Variants in DGKB observed in about 807,000 individuals in gnomAD.
The protein encoded by DGKB is 90 kDa diacylglycerol kinase.
A neutral mutation model predicts 114.3 loss-of-function variants in DGKB; 67 were observed. The ratio of observed to expected loss-of-function variants is 0.59; its 90% CI spans 0.48 to 0.72. The LOEUF is 0.72. Among genes scored for constraint, DGKB ranks in the 30% least tolerant of loss-of-function variants. The pLI is 0.00. For missense variants in DGKB, 907 were observed against 975.2 expected (o/e 0.93, Z 0.93); for synonymous variants, 398 against 323.1 (o/e 1.23, Z -2.49).
intron 2 of DGKB, among the ~76,000 whole-genome samples, chr7:14,802,785 C>T (rs1044937773): frequency 1.3e-5 from 2 of 152,132 alleles, no homozygotes; most frequent in African/African-American, 4.8e-5. Flanking sequence ...CTCTTACCTT[C>T]CCTGAAAATA....
At chr7:14,814,309 G>A (rs908374639) in intron 2 of DGKB, among the ~76,000 whole-genome samples, 2 of 152,130 alleles carry the variant, frequency 1.3e-5, no homozygotes, top group African/African-American at 4.8e-5. Context: ...ACCAGAGTGA[G>A]GTCAAACCAG....
At chr7:14,890,082 A>C (rs1219089140) in intron 1 of DGKB, among the ~76,000 whole-genome samples, 3 of 151,594 alleles carry the variant, frequency 2.0e-5, no homozygotes, top group African/African-American at 7.3e-5. Flanking sequence ...GAGTCTTTTC[A>C]TTCCATACAG....
rs966340615 is a variant in DGKB at position 14,652,652 on chromosome 7, G to T, written c.1134+20277C>A. On this transcript the variant is annotated intron_variant, in intron 13 of 25. Coordinates refer to ENST00000402815, the MANE Select transcript of DGKB (RefSeq NM_001350709.2). Reference sequence around the variant, plus strand: ...AACAAAAGCCAAAATTGACAAATGGGATCTAATTAAAGTAAAGAGCTTCTG... The same window carrying T: ...AACAAAAGCCAAAATTGACAAATGGTATCTAATTAAAGTAAAGAGCTTCTG... 3.8e-4 allele frequency among the ~76,000 whole-genome samples: 57 copies of T among 148,620 alleles called. 1 individual carries two copies. The highest frequency in any genetic ancestry group is 7.2e-4 in the Non-Finnish European group (48 of 66,766).
At position 14,734,148 on chromosome 7, in the gene DGKB, T is replaced by C. The variant is rs532276511; in HGVS notation, c.322+1893A>G. Among the ~76,000 whole-genome samples, 8 of 151,994 alleles carry C rather than the reference T, an allele frequency of 5.3e-5. No individual in the cohort carries two copies. In the South Asian group the frequency reaches 1.7e-3, roughly 32 times the overall value. ...TTCCTGGGTTCAAGTGATTCTCCTG[T>C]TTCAGCCTCCCAAGTAGCTGGGATT... is the stretch of plus-strand genomic sequence containing the variant. On this transcript the variant is annotated intron_variant, in intron 5 of 25. Coordinates refer to ENST00000402815, the MANE Select transcript of DGKB (RefSeq NM_001350709.2).
chr7:14,580,794 T>C, intron 19 of DGKB, 68 bp downstream of exon 19: 1 of 1,111,710 alleles, frequency 9.0e-7, no homozygotes. Flanking sequence ...TCTTTTCTTT[T>C]CTTTTTGTTT....
chr7:14,912,309 G>A (rs572895187), intron 1 of DGKB, among the ~76,000 whole-genome samples: 1 of 152,188 alleles, frequency 6.6e-6, no homozygotes, highest in South Asian at 2.1e-4. Flanking sequence ...CTTTTAGTTA[G>A]TCAACTACTT....
intron 5 of DGKB, among the ~76,000 whole-genome samples, chr7:14,720,473 T>TTGTA (rs1189519206): frequency 6.2e-4 from 84 of 136,560 alleles, no homozygotes; most frequent in African/African-American, 2.0e-3. Context: ...CCCGGCTGAT[T>TTGTA]TGTGTGTGTG....
At chr7:14,892,324 T>C (rs1781375012) in intron 1 of DGKB, among the ~76,000 whole-genome samples, 6 of 151,190 alleles carry the variant, frequency 4.0e-5, no homozygotes. Flanking sequence ...CCAAGGATAA[T>C]TGACTTACCT....
chr7:14,566,199 A>G (rs567396972), intron 20 of DGKB, among the ~76,000 whole-genome samples: 2 of 152,302 alleles, frequency 1.3e-5, no homozygotes, highest in East Asian at 3.9e-4. Context: ...GTATAATTAT[A>G]TGTAAGGGTA....
chr7:14,203,886 A>G (rs977216892), intron 23 of DGKB, among the ~76,000 whole-genome samples: 1 of 151,984 alleles, frequency 6.6e-6, no homozygotes, highest in Non-Finnish European at 1.5e-5. Flanking sequence ...CCTTGATGCC[A>G]ATTGACAGTC....
At chr7:14,406,774 C>G (rs146529941) in intron 21 of DGKB, among the ~76,000 whole-genome samples, 1 of 152,154 alleles carries the variant, frequency 6.6e-6, no homozygotes, top group Non-Finnish European at 1.5e-5. Context: ...TGAGATATGA[C>G]CATATTGCAT....
At chr7:14,586,422 T>A (rs4537212) in intron 17 of DGKB, among the ~76,000 whole-genome samples, 87,266 of 151,876 alleles carry the variant, frequency 0.57, 26,185 homozygotes, top group African/African-American at 0.76. Context: ...ATGTTGGTTC[T>A]TGAAGCTTAA....
rs564717438 is a variant in DGKB, at chr7:14,832,405, GTTTAC to G, written c.70+8784_70+8788del. ...AGAACAAAATCCCTCTATTTACACT[GTTTAC>G]TTTAGTTATAATCCTTCCACTTTGT... On this transcript the variant is annotated intron_variant, in intron 2 of 25. Transcript: ENST00000402815. Among the ~76,000 whole-genome samples the G allele has an allele frequency of 4.6e-5, 7 of 151,946 alleles. No individual in the cohort carries two copies. The East Asian group carries it at 1.4e-3, about 29-fold the overall frequency.
intron 4 of DGKB, among the ~76,000 whole-genome samples, chr7:14,738,824 T>C (rs1832123172): frequency 6.6e-6 from 1 of 152,230 alleles, no homozygotes; most frequent in South Asian, 2.1e-4. Flanking sequence ...AGTTTTTCTC[T>C]GGATCTGCTT....
rs1275564070 is a variant in DGKB, at chr7:14,169,211, A to AG, written c.2304+7627_2304+7628insC. On this transcript the variant is annotated intron_variant, in intron 25 of 25. Coordinates refer to ENST00000402815, the MANE Select transcript of DGKB (RefSeq NM_001350709.2). ...AGTCTCTACTAAAAATTAAAAAAAA[A>AG]AAAATTAGCCAGGTGTGGTGGCGGG... Among the ~76,000 whole-genome samples, 9 of 150,924 alleles carry AG rather than the reference A, an allele frequency of 6.0e-5. No homozygotes were observed. In the South Asian group the frequency reaches 8.4e-4, roughly 14 times the overall value.
intron 1 of DGKB, among the ~76,000 whole-genome samples, chr7:14,878,659 G>C (rs1457780384): frequency 6.7e-6 from 1 of 149,262 alleles, no homozygotes; most frequent in South Asian, 2.1e-4. Flanking sequence ...TGAGGCAGGA[G>C]AATGGCGTGA....
intron 12 of DGKB, among the ~76,000 whole-genome samples, chr7:14,681,565 C>T (rs112315945): frequency 2.2e-4 from 34 of 151,966 alleles, no homozygotes; most frequent in African/African-American, 7.5e-4. Context: ...TGATTCAGTG[C>T]CTCCTACTGT....
intron 21 of DGKB, among the ~76,000 whole-genome samples, chr7:14,464,981 A>G (rs1833615192): frequency 6.6e-6 from 1 of 152,174 alleles, no homozygotes; most frequent in Non-Finnish European, 1.5e-5. Flanking sequence ...AAGTTGTGAT[A>G]TGAGTAGCAG....
chr7:14,895,974 C>T (rs1782039780), intron 1 of DGKB, among the ~76,000 whole-genome samples: 2 of 151,734 alleles, frequency 1.3e-5, no homozygotes, highest in Admixed American at 1.3e-4. Flanking sequence ...ACTACAAACT[C>T]ATCTTTTCTG....
Sources: gnomAD v4.1 joint callset for allele counts (sites outside exome capture counted in the v4.1 genomes callset) on GRCh38, gnomAD v4.1.1 for gene constraint, MANE v1.5 for transcripts, NCBI Gene and HGNC (gene_info 2026-07-23, HGNC 2026-07-21) for gene names.